TCF25: variants seen among roughly 807,000 people sequenced by gnomAD.
The protein encoded by TCF25 is ribosome quality control complex subunit TCF25.
In TCF25, 41 loss-of-function variants were observed where a neutral mutation model predicts 83.1. The observed-to-expected ratio is 0.49, with a 90% CI of 0.38 to 0.64. TCF25 has a LOEUF of 0.64. TCF25 is among the 30% of genes least tolerant of loss of function. The pLI is 0.00. For missense variants in TCF25, 979 were observed against 914.5 expected (o/e 1.07, Z -0.91); for synonymous variants, 458 against 365.0 (o/e 1.25, Z -2.90).
chr16:89,874,166 G>T (rs2041975351), intron 1 of TCF25, among the ~76,000 whole-genome samples: 1 of 152,030 alleles, frequency 6.6e-6, no homozygotes, highest in Non-Finnish European at 1.5e-5. Context: ...GCGGGGTTAA[G>T]CGGGGTCCGG....
intron 9 of TCF25, among the ~76,000 whole-genome samples, chr16:89,897,551 C>T (rs1006185465): frequency 6.6e-6 from 1 of 152,262 alleles, no homozygotes; most frequent in Non-Finnish European, 1.5e-5. Flanking sequence ...ATTTCCTCCA[C>T]TGGTTTTCTT....
Position 89,885,887 on chromosome 16 carries a change from A to G in TCF25, c.469A>G (p.Ile157Val). 2 of 1,614,088 alleles carry G rather than the reference A, an allele frequency of 1.2e-6. No homozygotes were observed. Among genetic ancestry groups the G allele is most frequent in the South Asian group, 2.2e-5 (2 of 91,088 alleles). Reference sequence around the variant, plus strand: ...AGATATCGATCGCATCCTAGAGAGGATTGAGGACAGCACTGGGTTGAACCG... The same window carrying G: ...AGATATCGATCGCATCCTAGAGAGGGTTGAGGACAGCACTGGGTTGAACCG... ...LEDIDRILER[I>V]EDSTGLNRPG... is the part of the protein sequence containing the mutation. Residue 157 changes from isoleucine (I) to valine (V), a missense_variant, in exon 4 of 18, where the codon ATT becomes GTT. Transcript: ENST00000263346.
chr16:89,904,402 G>A, intron 13 of TCF25, 197 bp downstream of exon 13: 1 of 625,562 alleles, frequency 1.6e-6, no homozygotes, highest in East Asian at 2.8e-5. Context: ...AGGTGGGACA[G>A]CTGAGCAGCC....
intron 12 of TCF25, chr16:89,901,141 T>C (rs899317921): frequency 4.7e-6 from 1 of 213,618 alleles, no homozygotes; most frequent in Non-Finnish European, 9.7e-6. Context: ...AGCGCCGAGG[T>C]GTGGCCGAGA....
Position 89,878,641 on chromosome 16 carries a change from T to G in TCF25, c.193-4710T>G, listed in dbSNP as rs34591211. ...CACAGCTTTTGGGTAGGTAATAAGG[T>G]GTTTTGTTTTGTTTTTTGAGACGGA... On this transcript the variant is annotated intron_variant, in intron 1 of 17. Coordinates refer to ENST00000263346, the MANE Select transcript of TCF25 (RefSeq NM_014972.3). 116 of 1,093,242 alleles carry G rather than the reference T, an allele frequency of 1.1e-4. No homozygotes were observed. In the African/African-American group the frequency reaches 1.9e-3, roughly 18 times the overall value. The allele number at this position is 1,093,242 out of a possible 1,614,324, so 67.7% of individuals were successfully genotyped here. A position where few individuals can be genotyped will look rare whatever the true frequency, so the allele number is the denominator to read the frequency against.
intron 9 of TCF25, among the ~76,000 whole-genome samples, chr16:89,897,697 G>GCT (rs2043971181): frequency 1.3e-5 from 2 of 152,216 alleles, no homozygotes; most frequent in African/African-American, 4.8e-5. Flanking sequence ...AAGTCACAGG[G>GCT]CTCCATGTAT....
chr16:89,884,331 T>C (rs62052173), intron 2 of TCF25, among the ~76,000 whole-genome samples: 26,629 of 152,068 alleles, frequency 0.18, 3,131 homozygotes, highest in African/African-American at 0.33. Context: ...GAGCTGGACC[T>C]GGTCAGGGTC....
intron 12 of TCF25, 153 bp downstream of exon 12, chr16:89,900,947 C>T: frequency 2.2e-6 from 2 of 913,616 alleles, no homozygotes; most frequent in Non-Finnish European, 3.0e-6. Context: ...CCCTACCAAA[C>T]CTGAAAGAGG....
rs1387630091 is a variant in TCF25, at chr16:89,895,009, TC to T, written c.829-27del. On this transcript the variant is annotated intron_variant, in intron 7 of 17. Transcript: ENST00000263346. ...GAGCTGGGGCCTTGCTGAGTGCCTTTCCTCCAGGGCTGTCCTCCCTTCTGGT... is the reference window on the plus strand; with the variant it reads ...GAGCTGGGGCCTTGCTGAGTGCCTTTCTCCAGGGCTGTCCTCCCTTCTGGT... 4.4e-6 allele frequency: 7 copies of T among 1,599,382 alleles called. No individual in the cohort carries two copies. In the Admixed American group the frequency reaches 1.2e-4, roughly 27 times the overall value.
chr16:89,896,063 T>C lies in TCF25; in HGVS notation c.1002T>C (p.Asp334=). The part of the protein sequence containing the change: ...FSLTSGACRL[D]YRRPENRSFY... ...TCACCAGTGGGGCCTGCCGGCTGGA[T>C]TACCGCAGACCCGAGAACAGGTGAG... Residue 334 remains aspartate, a synonymous_variant, in exon 9 of 18, where the codon GAT becomes GAC. Coordinates refer to ENST00000263346, the MANE Select transcript of TCF25 (RefSeq NM_014972.3). 1 of 1,613,698 alleles carries C rather than the reference T, an allele frequency of 6.2e-7. No individual in the cohort carries two copies. Among genetic ancestry groups the C allele is most frequent in the Non-Finnish European group, 8.5e-7 (1 of 1,179,964 alleles).
At chr16:89,902,778 G>C (rs1317953941) in intron 12 of TCF25, among the ~76,000 whole-genome samples, 1 of 151,812 alleles carries the variant, frequency 6.6e-6, no homozygotes, top group Non-Finnish European at 1.5e-5. Context: ...GGCCTCCTCC[G>C]AGGGGCGGTG....
At chr16:89,897,429 G>A (rs1456780702) in intron 9 of TCF25, among the ~76,000 whole-genome samples, 1 of 152,216 alleles carries the variant, frequency 6.6e-6, no homozygotes, top group Non-Finnish European at 1.5e-5. Context: ...TTCTCTGGCC[G>A]CCCTGGGTTG....
intron 5 of TCF25, among the ~76,000 whole-genome samples, chr16:89,888,402 A>G (rs937777329): frequency 2.0e-5 from 3 of 152,070 alleles, no homozygotes; most frequent in Admixed American, 6.5e-5. Flanking sequence ...AGCCTGACCA[A>G]CATGGAGAAA....
chr16:89,889,309 C>T (rs766970874), intron 5 of TCF25: 2 of 333,400 alleles, frequency 6.0e-6, no homozygotes, highest in South Asian at 4.8e-5. Flanking sequence ...TCCCAAATAG[C>T]TGGGACTACC....
At chr16:89,910,797 T>C (rs1306609194) in intron 17 of TCF25, 134 bp downstream of exon 17, 1 of 1,094,860 alleles carries the variant, frequency 9.1e-7, no homozygotes, top group African/African-American at 1.6e-5. Flanking sequence ...CAAGGCTGCA[T>C]TGTGCCAGTG....
intron 1 of TCF25, among the ~76,000 whole-genome samples, chr16:89,881,417 A>G (rs965952798): frequency 2.6e-5 from 4 of 152,170 alleles, no homozygotes; most frequent in African/African-American, 7.2e-5. Flanking sequence ...TAGTTCATAA[A>G]GAATTGTTGA....
chr16:89,910,445 C>T lies in TCF25; in HGVS notation c.1800-146C>T, dbSNP rs1597403304. 8.0e-6 allele frequency: 6 copies of T among 745,932 alleles called. No individual in the cohort carries two copies. The East Asian group carries it at 1.3e-4, about 16-fold the overall frequency. The allele number at this position is 745,932 out of a possible 1,614,324, so 46.2% of individuals were successfully genotyped here. The stretch of plus-strand genomic sequence containing the variant: ...ACGGGCCACCCGGGGAATCCAGGGC[C>T]TGTGCTCAGCTGCTGCTGCTCTGCC... On this transcript the variant is annotated intron_variant, in intron 16 of 17. Coordinates refer to ENST00000263346, the MANE Select transcript of TCF25 (RefSeq NM_014972.3).
rs1169140143 is a variant in TCF25, at chr16:89,902,515, A to C, written c.1382-1603A>C. Among the ~76,000 whole-genome samples the C allele has an allele frequency of 1.4e-4, 20 of 140,664 alleles. 1 individual carries two copies. The highest frequency in any genetic ancestry group is 2.6e-4 in the East Asian group (1 of 3,824). 92.3% of individuals were successfully genotyped at this position (140,664 alleles called of 152,430 possible). A position where few individuals can be genotyped will look rare whatever the true frequency, so the allele number is the denominator to read the frequency against. Reference sequence around the variant, plus strand: ...CCATCCTGACTAACACGGTGAAACCACGTCTCTACTAAAAATACAAAAAAT... The same window carrying C: ...CCATCCTGACTAACACGGTGAAACCCCGTCTCTACTAAAAATACAAAAAAT... On this transcript the variant is annotated intron_variant, in intron 12 of 17. Coordinates refer to ENST00000263346, the MANE Select transcript of TCF25 (RefSeq NM_014972.3).
At chr16:89,898,692 C>T (rs1188233628) in intron 10 of TCF25, 43 bp downstream of exon 10, 7 of 1,612,026 alleles carry the variant, frequency 4.3e-6, no homozygotes, top group South Asian at 1.1e-5. Flanking sequence ...GCTCCCTGTC[C>T]TGGCTGCAGG....
Sources: gnomAD v4.1 joint callset for allele counts (sites outside exome capture counted in the v4.1 genomes callset) on GRCh38, gnomAD v4.1.1 for gene constraint, MANE v1.5 for transcripts, NCBI Gene and HGNC (gene_info 2026-07-23, HGNC 2026-07-21) for gene names.